EDAR: variants seen among roughly 807,000 people sequenced by gnomAD.
EDAR encodes tumor necrosis factor receptor superfamily member EDAR.
A neutral mutation model predicts 51.3 loss-of-function variants in EDAR; 38 were observed. That is an observed-to-expected ratio of 0.74 (90% CI 0.57 to 0.97). The LOEUF is 0.97. Ranked by LOEUF, EDAR falls within the 50% of genes least tolerant of loss-of-function variation. EDAR has a pLI of 0.00. For missense variants in EDAR, 528 were observed against 595.0 expected (o/e 0.89, Z 1.17); for synonymous variants, 227 against 242.1 (o/e 0.94, Z 0.58).
At chr2:108,971,046 T>C (rs970172743) in intron 1 of EDAR, among the ~76,000 whole-genome samples, 1 of 152,008 alleles carries the variant, frequency 6.6e-6, no homozygotes, top group African/African-American at 2.4e-5. Flanking sequence ...ATGCTGGTGG[T>C]GGGGAAATCA....
At chr2:108,951,878 AG>A (rs1052779066) in intron 1 of EDAR, among the ~76,000 whole-genome samples, 1 of 152,214 alleles carries the variant, frequency 6.6e-6, no homozygotes, top group Non-Finnish European at 1.5e-5. Flanking sequence ...GATCTTCCCA[AG>A]GTCTCTTGAG....
intron 1 of EDAR, among the ~76,000 whole-genome samples, chr2:108,947,717 A>C (rs1697740917): frequency 6.6e-6 from 1 of 152,066 alleles, no homozygotes; most frequent in African/African-American, 2.4e-5. Context: ...GCAGGATGCC[A>C]AGTCCTGGGG....
intron 10 of EDAR, 100 bp downstream of exon 10, chr2:108,907,760 C>A (rs1246633030): frequency 7.2e-7 from 1 of 1,398,094 alleles, no homozygotes; most frequent in Non-Finnish European, 1.0e-6. Flanking sequence ...GGAGAAACAC[C>A]CCGTCTTGCA....
chr2:108,966,840 A>G (rs1365150222), intron 1 of EDAR, among the ~76,000 whole-genome samples: 1 of 152,210 alleles, frequency 6.6e-6, no homozygotes, highest in African/African-American at 2.4e-5. Context: ...ACTGCTGAGT[A>G]GGACAAACAA....
intron 9 of EDAR, among the ~76,000 whole-genome samples, chr2:108,908,283 C>G (rs114564140): frequency 6.6e-6 from 1 of 152,032 alleles, no homozygotes; most frequent in Admixed American, 6.6e-5. Flanking sequence ...GCTGCCACTG[C>G]GTGTGGGAGG....
intron 4 of EDAR, among the ~76,000 whole-genome samples, chr2:108,927,598 G>A (rs972957110): frequency 1.3e-5 from 2 of 152,108 alleles, no homozygotes; most frequent in Non-Finnish European, 1.5e-5. Flanking sequence ...GAGGTTCCGT[G>A]GTGCACCCAC....
chr2:108,927,150 C>T (rs985147502), intron 4 of EDAR, among the ~76,000 whole-genome samples: 1 of 152,188 alleles, frequency 6.6e-6, no homozygotes, highest in African/African-American at 2.4e-5. Flanking sequence ...TGCACCCCTG[C>T]GGAGCAGTGC....
At chr2:108,959,023 C>T (rs943817486) in intron 1 of EDAR, among the ~76,000 whole-genome samples, 2 of 152,200 alleles carry the variant, frequency 1.3e-5, no homozygotes, top group South Asian at 2.1e-4. Flanking sequence ...CCATGAAGAA[C>T]GGGACACTGT....
At chr2:108,937,680 GTA>G (rs1697501872) in intron 1 of EDAR, among the ~76,000 whole-genome samples, 2 of 151,794 alleles carry the variant, frequency 1.3e-5, no homozygotes, top group South Asian at 4.2e-4. Flanking sequence ...GAGTATAAGT[GTA>G]TGTGATGTGT....
Position 108,907,861 on chromosome 2 carries a change from C to T in EDAR, c.962G>A (p.Gly321Glu). 1 of 1,613,450 alleles carries T rather than the reference C, an allele frequency of 6.2e-7. No individual in the cohort carries two copies. Among genetic ancestry groups the T allele is most frequent in the African/African-American group, 1.3e-5 (1 of 75,010 alleles). ...TCATGGCACCTGCAGGAGCCTCACC[C>T]CGGCTGACTTGTTGCTGGTGGCAGA... ...EKSATSNKSAGIQSRRKKILD... is the reference protein window; with the variant it reads ...EKSATSNKSAEIQSRRKKILD... Residue 321 changes from glycine (G) to glutamate (E), a missense_variant and splice_region_variant, in exon 10 of 12, where the codon GGG (glycine) becomes GAG (glutamate). By Grantham distance (98) the Gly-to-Glu change is moderately conservative. Coordinates refer to ENST00000258443, the MANE Select transcript of EDAR (RefSeq NM_022336.4).
intron 5 of EDAR, among the ~76,000 whole-genome samples, chr2:108,913,680 C>T (rs1696972629): frequency 6.6e-6 from 1 of 152,032 alleles, no homozygotes; most frequent in South Asian, 2.1e-4. Context: ...GCTATCTTTA[C>T]GTAGTATGGG....
intron 11 of EDAR, among the ~76,000 whole-genome samples, chr2:108,898,959 CAAG>C (rs1022877938): frequency 3.9e-5 from 6 of 152,050 alleles, no homozygotes; most frequent in Non-Finnish European, 5.9e-5. Flanking sequence ...ACATTTGTGT[CAAG>C]AAGTTTCAGA....
chr2:108,960,795 TGA>T (rs1411246601), intron 1 of EDAR, among the ~76,000 whole-genome samples: 1 of 152,194 alleles, frequency 6.6e-6, no homozygotes, highest in Non-Finnish European at 1.5e-5. Context: ...TATCGTATAT[TGA>T]GTTTTGTATC....
intron 1 of EDAR, among the ~76,000 whole-genome samples, chr2:108,974,255 G>A (rs1011334238): frequency 2.1e-5 from 3 of 145,646 alleles, no homozygotes; most frequent in South Asian, 2.3e-4. Context: ...GCATGAACCC[G>A]GGAGGCGGAG....
intron 11 of EDAR, among the ~76,000 whole-genome samples, chr2:108,903,408 G>C (rs1484262720): frequency 1.3e-5 from 2 of 151,802 alleles, no homozygotes; most frequent in Non-Finnish European, 2.9e-5. Flanking sequence ...TATATGGAAA[G>C]GCAAAGGAAC....
chr2:108,894,555 A>C lies in EDAR; in HGVS notation c.*2352T>G, dbSNP rs1301864518. 3 of 152,612 alleles carry C rather than the reference A, an allele frequency of 2.0e-5. No individual in the cohort carries two copies. The highest frequency in any genetic ancestry group is 7.2e-5 in the African/African-American group (3 of 41,452). 9.5% of individuals were successfully genotyped at this position (152,612 alleles called of 1,614,324 possible). A position where few individuals can be genotyped will look rare whatever the true frequency, so the allele number is the denominator to read the frequency against. On this transcript the variant is annotated 3_prime_UTR_variant, in exon 12 of 12. Coordinates refer to ENST00000258443, the MANE Select transcript of EDAR (RefSeq NM_022336.4). Reference sequence around the variant, plus strand: ...GACAAAAATAATATTGACAATTAAGACTTCACTGTCTAAGGGCCACAGACC... The same window carrying C: ...GACAAAAATAATATTGACAATTAAGCCTTCACTGTCTAAGGGCCACAGACC...
At chr2:108,948,471 C>T (rs1485441525) in intron 1 of EDAR, among the ~76,000 whole-genome samples, 1 of 152,158 alleles carries the variant, frequency 6.6e-6, no homozygotes, top group Non-Finnish European at 1.5e-5. Flanking sequence ...TCTCACACTG[C>T]TATAAAGATA....
intron 1 of EDAR, among the ~76,000 whole-genome samples, chr2:108,979,467 T>TCTCTCA (rs1159379988): frequency 0.021 from 3,082 of 147,112 alleles, 39 homozygotes; most frequent in Non-Finnish European, 0.032. Flanking sequence ...TCTCTCTCTC[T>TCTCTCA]CACACACACA....
Position 108,912,688 on chromosome 2 carries a change from G to A in EDAR, c.519C>T (p.His173=), listed in dbSNP as rs144187827. ...SGSSTLSPFQ[H]AHKELSGQGH... ...GAGCACCCTCCTCACCTTTGTGGGC[G>A]TGCTGGAAGGGAGACAGGGTGCTGC... The change falls in exon 6 of 12, where the codon CAC becomes CAT. Residue 173 remains histidine (H), a synonymous_variant. Transcript: ENST00000258443. 39 of 1,594,602 alleles carry A rather than the reference G, an allele frequency of 2.4e-5. No homozygotes were observed. Among genetic ancestry groups the A allele is most frequent in the African/African-American group, 2.7e-5 (2 of 74,730 alleles).
Sources: gnomAD v4.1 joint callset for allele counts (sites outside exome capture counted in the v4.1 genomes callset) on GRCh38, gnomAD v4.1.1 for gene constraint, MANE v1.5 for transcripts, NCBI Gene and HGNC (gene_info 2026-07-23, HGNC 2026-07-21) for gene names.